Variants in ABCC1 observed in about 807,000 individuals in gnomAD.
ABCC1 encodes the protein ATP binding cassette subfamily C member 1 (ABCC1 blood group), also known as multidrug resistance-associated protein 1.
Under a neutral mutation model 172.9 loss-of-function variants are expected in ABCC1, and 83 were observed. That is an observed-to-expected ratio of 0.48 (90% CI 0.40 to 0.58). The LOEUF is 0.58. Among genes scored for constraint, ABCC1 ranks in the 20% least tolerant of loss-of-function variants. The probability of loss-of-function intolerance (pLI) is 0.00; values close to 1 mark genes in which losing one functional copy is unlikely to be tolerated. For synonymous variants in ABCC1, 937 were observed against 825.2 expected (o/e 1.14, Z -2.32); for missense variants, 1,817 against 2,002.7 (o/e 0.91, Z 1.77).
At chr16:16,103,646 A>G (rs1303353630) in intron 20 of ABCC1, among the ~76,000 whole-genome samples, 1 of 152,162 alleles carries the variant, frequency 6.6e-6, no homozygotes, top group East Asian at 1.9e-4. Flanking sequence ...AAAAATTGAC[A>G]AAGTCGGAGC....
chr16:15,991,568 G>T (rs1266626597), intron 1 of ABCC1, among the ~76,000 whole-genome samples: 3 of 152,012 alleles, frequency 2.0e-5, no homozygotes, highest in Non-Finnish European at 4.4e-5. Flanking sequence ...GAGCTGCAGG[G>T]CCATCAACAT....
rs45515906 is a variant in ABCC1 at position 16,076,773 on chromosome 16, C to T, written c.1988+372C>T. Reference sequence around the variant, plus strand: ...CATATTTTCTGTGTTTCACTTTCTCCTGGTCTGCTTTATCCTCACGCATCC... The same window carrying T: ...CATATTTTCTGTGTTTCACTTTCTCTTGGTCTGCTTTATCCTCACGCATCC... On this transcript the variant is annotated intron_variant, in intron 15 of 30. Coordinates refer to ENST00000399410, the MANE Select transcript of ABCC1 (RefSeq NM_004996.4). 6.4e-3 allele frequency among the ~76,000 whole-genome samples: 973 copies of T among 152,332 alleles called. 9 individuals carry two copies. The highest frequency in any genetic ancestry group is 0.022 in the African/African-American group (928 of 41,578).
chr16:16,047,149 G>C (rs2049245224), intron 9 of ABCC1, among the ~76,000 whole-genome samples: 2 of 152,078 alleles, frequency 1.3e-5, no homozygotes, highest in South Asian at 2.1e-4. Context: ...AGTGAGTCCT[G>C]ATAGCATCCC....
chr16:15,993,648 G>A (rs2046952770), intron 1 of ABCC1, among the ~76,000 whole-genome samples: 1 of 151,150 alleles, frequency 6.6e-6, no homozygotes. Context: ...CGGTTCTGAG[G>A]TTGAAGAAGC....
At chr16:15,986,169 G>A (rs188802787) in intron 1 of ABCC1, among the ~76,000 whole-genome samples, 4 of 150,994 alleles carry the variant, frequency 2.6e-5, no homozygotes, top group East Asian at 2.0e-4. Flanking sequence ...TCCTGACCCC[G>A]GGTGATCTAC....
chr16:15,998,150 C>G (rs1462704957), intron 1 of ABCC1, among the ~76,000 whole-genome samples: 1 of 116,544 alleles, frequency 8.6e-6, no homozygotes, highest in African/African-American at 3.3e-5. Flanking sequence ...GAGACAGTCT[C>G]TTACTCTGTC....
intron 1 of ABCC1, among the ~76,000 whole-genome samples, chr16:16,005,679 G>A (rs1048678329): frequency 9.9e-5 from 15 of 152,190 alleles, no homozygotes; most frequent in African/African-American, 3.6e-4. Flanking sequence ...GCCAGAGACC[G>A]GGCGTGGTGG....
In ABCC1 at chr16:16,082,822, A is replaced by G. The variant is rs577002825; in HGVS notation, c.2116-544A>G. 2.6e-5 allele frequency among the ~76,000 whole-genome samples: 4 copies of G among 151,732 alleles called. No individual in the cohort carries two copies. In the South Asian group the frequency reaches 6.3e-4, roughly 24 times the overall value. ...AGCGCCATGCCTGGCTAATTTTTCT[A>G]TTTTTTTTAGAGATGGGATTTCTCT... On this transcript the variant is annotated intron_variant, in intron 16 of 30. Coordinates refer to ENST00000399410, the MANE Select transcript of ABCC1 (RefSeq NM_004996.4).
At chr16:16,135,192 G>A (rs2045873835) in intron 28 of ABCC1, among the ~76,000 whole-genome samples, 1 of 152,156 alleles carries the variant, frequency 6.6e-6, no homozygotes, top group Non-Finnish European at 1.5e-5. Context: ...GATTCACGGG[G>A]TGCACCTGCA....
At chr16:16,062,989 G>A (rs922865862) in intron 12 of ABCC1, among the ~76,000 whole-genome samples, 4 of 152,106 alleles carry the variant, frequency 2.6e-5, no homozygotes, top group Non-Finnish European at 5.9e-5. Context: ...ATCTCCCTTT[G>A]TTAGAATAAT....
chr16:16,008,625 C>T (rs1020710348), intron 2 of ABCC1, among the ~76,000 whole-genome samples: 3 of 151,574 alleles, frequency 2.0e-5, no homozygotes, highest in Non-Finnish European at 4.4e-5. Flanking sequence ...GAGGCCAAGG[C>T]GGGCAGGTCA....
At chr16:16,137,519 G>T (rs1443035875) in intron 29 of ABCC1, among the ~76,000 whole-genome samples, 1 of 144,208 alleles carries the variant, frequency 6.9e-6, no homozygotes, top group Non-Finnish European at 1.5e-5. Context: ...CCCCACAGTT[G>T]GATAAGGGAT....
intron 6 of ABCC1, among the ~76,000 whole-genome samples, chr16:16,035,951 CAAAAATA>C: frequency 6.6e-6 from 1 of 150,730 alleles, no homozygotes; most frequent in Non-Finnish European, 1.5e-5. Context: ...CTTGTCTCTA[CAAAAATA>C]AAAAATAAAA....
At chr16:15,960,866 G>A (rs2046111124) in intron 1 of ABCC1, among the ~76,000 whole-genome samples, 1 of 152,138 alleles carries the variant, frequency 6.6e-6, no homozygotes, top group Admixed American at 6.6e-5. Context: ...AATGCATAAA[G>A]CACTAACACA....
intron 1 of ABCC1, among the ~76,000 whole-genome samples, chr16:15,978,395 T>C (rs182377870): frequency 2.6e-5 from 4 of 151,236 alleles, no homozygotes; most frequent in Admixed American, 6.6e-5. Flanking sequence ...AACAAACAAA[T>C]AAACAAAAAA....
intron 6 of ABCC1, among the ~76,000 whole-genome samples, chr16:16,033,824 ATG>A (rs1201595045): frequency 6.6e-6 from 1 of 151,722 alleles, no homozygotes; most frequent in Admixed American, 6.6e-5. Flanking sequence ...GAGTTTTGCC[ATG>A]TTGGCCAGGC....
intron 5 of ABCC1, among the ~76,000 whole-genome samples, chr16:16,028,359 T>C (rs1410473529): frequency 6.6e-6 from 1 of 152,134 alleles, no homozygotes; most frequent in African/African-American, 2.4e-5. Flanking sequence ...CGTTTGCAGC[T>C]CCGTCCGCGG....
At chr16:15,969,073 G>C (rs534886207) in intron 1 of ABCC1, among the ~76,000 whole-genome samples, 1 of 151,920 alleles carries the variant, frequency 6.6e-6, no homozygotes, top group East Asian at 1.9e-4. Flanking sequence ...CTGTGGTGGC[G>C]CTTGCCTATA....
chr16:15,974,393 C>CG (rs2046437842), intron 1 of ABCC1, among the ~76,000 whole-genome samples: 1 of 151,632 alleles, frequency 6.6e-6, no homozygotes, highest in Non-Finnish European at 1.5e-5. Context: ...GCTCAGACCC[C>CG]CATTAAAGTT....
Sources: allele counts gnomAD v4.1 joint callset (sites outside exome capture counted in the v4.1 genomes callset), GRCh38; gene constraint gnomAD v4.1.1; transcripts MANE v1.5; gene names NCBI Gene and HGNC (gene_info 2026-07-23, HGNC 2026-07-21).